Variants in CCDC178 observed in about 807,000 individuals in gnomAD.
CCDC178 encodes coiled-coil domain containing 178, also known as coiled-coil domain-containing protein 178.
In CCDC178, 126 loss-of-function variants were observed where a neutral mutation model predicts 117.4. The observed-to-expected ratio is 1.07, with a 90% confidence interval of 0.93 to 1.24. CCDC178 has a LOEUF of 1.24. Among genes scored for constraint, CCDC178 ranks in the 50% most tolerant of loss-of-function variants. The pLI, the probability that CCDC178 is intolerant of heterozygous loss-of-function variation, is 0.00. For synonymous variants in CCDC178, 283 were observed against 313.4 expected, an observed-to-expected ratio of 0.90 and a Z score of 1.02; for missense variants, 1,030 against 986.9, an observed-to-expected ratio of 1.04 and a Z score of -0.59.
At chr18:33,156,336 C>A (rs2058396546) in intron 20 of CCDC178, among the ~76,000 whole-genome samples, 1 of 151,502 alleles carries the variant, frequency 6.6e-6, no homozygotes, top group South Asian at 2.1e-4. Flanking sequence ...GATCCGCCCG[C>A]CTCTGCCTCC....
At chr18:33,134,781 T>G (rs943176273) in intron 20 of CCDC178, among the ~76,000 whole-genome samples, 3 of 152,050 alleles carry the variant, frequency 2.0e-5, no homozygotes, top group Admixed American at 2.0e-4. Context: ...AATGTACATA[T>G]GAAAGATTGA....
At chr18:32,981,700 C>T (rs1221094808) in intron 21 of CCDC178, among the ~76,000 whole-genome samples, 10 of 151,982 alleles carry the variant, frequency 6.6e-5, no homozygotes. Context: ...GCTTTTTGTA[C>T]AATATTTTTG....
At chr18:33,074,339 C>T (rs1353718678) in intron 21 of CCDC178, among the ~76,000 whole-genome samples, 1 of 152,098 alleles carries the variant, frequency 6.6e-6, no homozygotes, top group East Asian at 1.9e-4. Flanking sequence ...TGCCCTGTTC[C>T]AATCACTGCT....
chr18:33,400,688 T>A (rs995648029), intron 3 of CCDC178, among the ~76,000 whole-genome samples: 2 of 152,200 alleles, frequency 1.3e-5, no homozygotes, highest in Non-Finnish European at 2.9e-5. Context: ...TCTGGTTTGA[T>A]CTTCTATCCA....
chr18:33,099,976 T>C (rs193056916), intron 20 of CCDC178, among the ~76,000 whole-genome samples: 17 of 152,188 alleles, frequency 1.1e-4, no homozygotes, highest in Non-Finnish European at 1.0e-4. Context: ...TGTATTATCA[T>C]GTTTAACAAA....
At chr18:33,069,408 C>T (rs1317888215) in intron 21 of CCDC178, among the ~76,000 whole-genome samples, 1 of 152,032 alleles carries the variant, frequency 6.6e-6, no homozygotes, top group East Asian at 1.9e-4. Context: ...TCAAAGTTGC[C>T]AGTAACATAT....
chr18:33,357,237 G>T (rs1015815471), intron 6 of CCDC178, among the ~76,000 whole-genome samples: 15 of 152,052 alleles, frequency 9.9e-5, no homozygotes, highest in Non-Finnish European at 1.9e-4. Context: ...TTGGGCACAT[G>T]TTCCTGGGAC....
chr18:33,211,736 A>T (rs562568880), intron 20 of CCDC178, among the ~76,000 whole-genome samples, 160 bp downstream of exon 20: 1 of 152,118 alleles, frequency 6.6e-6, no homozygotes, highest in East Asian at 1.9e-4. Context: ...ATAATTACTT[A>T]GAAGAAACAA....
At chr18:33,190,198 C>G (rs1344014076) in intron 20 of CCDC178, among the ~76,000 whole-genome samples, 2 of 152,168 alleles carry the variant, frequency 1.3e-5, no homozygotes, top group Non-Finnish European at 2.9e-5. Flanking sequence ...CTCCCCTATT[C>G]TAGTGATTTG....
chr18:33,193,041 C>T (rs1380019033), intron 20 of CCDC178, among the ~76,000 whole-genome samples: 16 of 150,900 alleles, frequency 1.1e-4, no homozygotes, highest in African/African-American at 2.7e-4. Context: ...AGGCGGATCA[C>T]GAGGTCAGGA....
intron 21 of CCDC178, among the ~76,000 whole-genome samples, chr18:33,016,922 G>T (rs1279157179): frequency 6.6e-6 from 1 of 151,922 alleles, no homozygotes; most frequent in Non-Finnish European, 1.5e-5. Context: ...AATGCTTAAT[G>T]AAAAGTACTT....
chr18:33,364,537 A>T (rs1443358704), intron 6 of CCDC178, among the ~76,000 whole-genome samples: 1 of 152,014 alleles, frequency 6.6e-6, no homozygotes, highest in Non-Finnish European at 1.5e-5. Context: ...AGGAGCTAAG[A>T]AAAAAAGGAG....
At chr18:33,241,742 TC>T (rs2059490840) in intron 15 of CCDC178, among the ~76,000 whole-genome samples, 1 of 151,636 alleles carries the variant, frequency 6.6e-6, no homozygotes, top group Non-Finnish European at 1.5e-5. Flanking sequence ...TGGAAAAACA[TC>T]CAATGCTCAT....
chr18:33,112,428 T>C (rs1161666881), intron 20 of CCDC178, among the ~76,000 whole-genome samples: 3 of 151,954 alleles, frequency 2.0e-5, no homozygotes, highest in African/African-American at 7.2e-5. Context: ...ATGATCATGC[T>C]CAATTTAAGC....
intron 2 of CCDC178, among the ~76,000 whole-genome samples, chr18:33,429,491 C>A (rs1421417057): frequency 6.6e-6 from 1 of 151,860 alleles, no homozygotes; most frequent in African/African-American, 2.4e-5. Context: ...GATCACATAG[C>A]AAAATGTAGT....
In CCDC178 at chr18:33,222,803, G is replaced by A. The variant is rs922660671; in HGVS notation, c.1932+303C>T. On this transcript the variant is annotated intron_variant, in intron 18 of 22. Transcript: ENST00000383096. ...TTTAATCTCCAAGTAAAAGGAGACA[G>A]CATGGCCATCACAGAAAGCAGTAGA... 4.6e-5 allele frequency among the ~76,000 whole-genome samples: 7 copies of A among 151,348 alleles called. No homozygotes were observed. The East Asian group carries it at 7.8e-4, about 17-fold the overall frequency.
At chr18:32,985,128 T>A (rs554806639) in intron 21 of CCDC178, among the ~76,000 whole-genome samples, 1 of 152,092 alleles carries the variant, frequency 6.6e-6, no homozygotes, top group African/African-American at 2.4e-5. Flanking sequence ...TAGAGCTCAT[T>A]GGTTTATTTC....
intron 20 of CCDC178, among the ~76,000 whole-genome samples, chr18:33,192,673 G>A (rs2058873813): frequency 6.6e-6 from 1 of 151,960 alleles, no homozygotes; most frequent in African/African-American, 2.4e-5. Context: ...GGCCGAGGTG[G>A]GCGGATCACC....
At chr18:33,289,237 A>G (rs1273705061) in intron 12 of CCDC178, among the ~76,000 whole-genome samples, 1 of 152,224 alleles carries the variant, frequency 6.6e-6, no homozygotes, top group African/African-American at 2.4e-5. Flanking sequence ...AAATTAAGAC[A>G]TTTAAAAATG....
Sources: gnomAD v4.1 joint callset for allele counts (sites outside exome capture counted in the v4.1 genomes callset) on GRCh38, gnomAD v4.1.1 for gene constraint, MANE v1.5 for transcripts, NCBI Gene and HGNC (gene_info 2026-07-23, HGNC 2026-07-21) for gene names.